The following LRP12 variants were observed in gnomAD, a reference collection of about 807,000 sequenced individuals.
The protein encoded by LRP12 is LDL receptor related protein 12, also known as low-density lipoprotein receptor-related protein 12.
LRP12 carries 14 observed loss-of-function variants against 66.0 expected under a neutral mutation model. The observed-to-expected ratio is 0.21, with a 90% confidence interval of 0.14 to 0.33. The LOEUF (loss-of-function observed/expected upper bound fraction) is 0.33, where lower values mean the gene tolerates loss of function less well. LRP12 is among the 10% of genes least tolerant of loss of function. The probability of loss-of-function intolerance (pLI) is 1.00; values close to 1 mark genes in which losing one functional copy is unlikely to be tolerated. For missense variants in LRP12, 889 were observed against 1,053.4 expected (o/e 0.84, Z 2.16); for synonymous variants, 357 against 359.1 (o/e 0.99, Z 0.07).
At chr8:104,540,597 T>C (rs968566984) in intron 1 of LRP12, among the ~76,000 whole-genome samples, 5 of 152,252 alleles carry the variant, frequency 3.3e-5, no homozygotes, top group Non-Finnish European at 7.3e-5. Flanking sequence ...GTATTATTTC[T>C]GTAACTTTTT....
intron 3 of LRP12, among the ~76,000 whole-genome samples, chr8:104,503,328 C>CAAAA (rs59353283): frequency 4.3e-4 from 13 of 30,086 alleles, no homozygotes; most frequent in Non-Finnish European, 6.3e-4. Context: ...CTGTGTCTCT[C>CAAAA]AAAAAAAAAA....
At chr8:104,573,443 C>A (rs985047261) in intron 1 of LRP12, among the ~76,000 whole-genome samples, 1 of 152,112 alleles carries the variant, frequency 6.6e-6, no homozygotes, top group African/African-American at 2.4e-5. Context: ...TGGAACTGAT[C>A]TATCTCCACT....
At chr8:104,560,354 T>C (rs1811885126) in intron 1 of LRP12, among the ~76,000 whole-genome samples, 1 of 151,954 alleles carries the variant, frequency 6.6e-6, no homozygotes, top group South Asian at 2.1e-4. Flanking sequence ...GATGTCCCTC[T>C]GTCAATCGTG....
At chr8:104,580,070 T>C (rs192764974) in intron 1 of LRP12, among the ~76,000 whole-genome samples, 43 of 152,228 alleles carry the variant, frequency 2.8e-4, no homozygotes, top group Non-Finnish European at 1.5e-5. Context: ...AATGCAAAAA[T>C]TGACAAATGG....
At chr8:104,506,869 T>A (rs1810918495) in intron 3 of LRP12, 1 of 152,244 alleles carries the variant, frequency 6.6e-6, no homozygotes, top group Non-Finnish European at 1.5e-5. Context: ...TCCGTAACTT[T>A]AGTTTCCCTC....
chr8:104,520,155 C>T (rs1194617331), intron 2 of LRP12, among the ~76,000 whole-genome samples: 4 of 151,928 alleles, frequency 2.6e-5, no homozygotes, highest in South Asian at 4.1e-4. Flanking sequence ...GCCAGCTTCA[C>T]CCTGAAATTT....
chr8:104,547,089 CAT>C (rs201937637), intron 1 of LRP12, among the ~76,000 whole-genome samples: 2,453 of 143,770 alleles, frequency 0.017, 69 homozygotes, highest in African/African-American at 0.058. Context: ...AATTCTATAT[CAT>C]AGTTTGTATA....
chr8:104,501,540 C>T (rs1358153326), intron 3 of LRP12, among the ~76,000 whole-genome samples: 3 of 152,018 alleles, frequency 2.0e-5, no homozygotes, highest in African/African-American at 7.2e-5. Context: ...CCCGTCTCTA[C>T]TGAAAATACA....
chr8:104,502,266 G>A lies in LRP12; in HGVS notation c.273-2747C>T, dbSNP rs1039880964. 2.6e-5 allele frequency among the ~76,000 whole-genome samples: 4 copies of A among 152,006 alleles called. No individual in the cohort carries two copies. In the East Asian group the frequency reaches 5.8e-4, roughly 22 times the overall value. ...CATTTATTTATGAAGCCCTATACTCGGTCTCCCCTGTGATGGACAGGATTC... is the reference window on the plus strand; with the variant it reads ...CATTTATTTATGAAGCCCTATACTCAGTCTCCCCTGTGATGGACAGGATTC... On this transcript the variant is annotated intron_variant, in intron 3 of 6. Coordinates refer to ENST00000276654, the MANE Select transcript of LRP12 (RefSeq NM_013437.5).
At chr8:104,536,574 T>C (rs1811395182) in intron 1 of LRP12, among the ~76,000 whole-genome samples, 1 of 151,694 alleles carries the variant, frequency 6.6e-6, no homozygotes, top group Non-Finnish European at 1.5e-5. Flanking sequence ...TCCTGAAGAG[T>C]TGGTAGTCTG....
intron 3 of LRP12, chr8:104,505,025 T>C (rs1479060261): frequency 6.6e-6 from 1 of 152,194 alleles, no homozygotes; most frequent in Non-Finnish European, 1.5e-5. Context: ...GTTTTGTTTT[T>C]GTTTATTTTT....
At chr8:104,512,412 T>C (rs1443366615) in intron 2 of LRP12, among the ~76,000 whole-genome samples, 1 of 152,070 alleles carries the variant, frequency 6.6e-6, no homozygotes, top group Non-Finnish European at 1.5e-5. Flanking sequence ...CCAAAAACAA[T>C]CATCACCCTT....
chr8:104,493,945 G>GC (rs1379986595), intron 6 of LRP12, among the ~76,000 whole-genome samples: 1 of 152,064 alleles, frequency 6.6e-6, no homozygotes, highest in Non-Finnish European at 1.5e-5. Context: ...AACTGTAATC[G>GC]CAAGTGAGCT....
chr8:104,553,404 G>A (rs1315968074), intron 1 of LRP12, among the ~76,000 whole-genome samples: 1 of 152,162 alleles, frequency 6.6e-6, no homozygotes, highest in Admixed American at 6.5e-5. Flanking sequence ...TGTTGGAGAA[G>A]CACGGTGGGA....
chr8:104,548,670 T>C (rs1033160675), intron 1 of LRP12, among the ~76,000 whole-genome samples: 1 of 71,736 alleles, frequency 1.4e-5, no homozygotes, highest in South Asian at 3.6e-4. Context: ...ATATAATTAA[T>C]ATGGGTGCAG....
At chr8:104,545,263 T>C (rs1811537132) in intron 1 of LRP12, among the ~76,000 whole-genome samples, 1 of 152,180 alleles carries the variant, frequency 6.6e-6, no homozygotes. Context: ...GCAAAGAAAG[T>C]GGTTTCTTCA....
Position 104,496,636 on chromosome 8 carries a change from A to G in LRP12, c.1580+336T>C, listed in dbSNP as rs140232940. ...TGTATGCTTTGAACATAGCATATAG[A>G]ATAACTGGAATTTTTGAATTTGTAT... On this transcript the variant is annotated intron_variant, in intron 5 of 6. Transcript: ENST00000276654. Among the ~76,000 whole-genome samples the G allele has an allele frequency of 3.7e-3, 563 of 152,300 alleles. 5 individuals are homozygous for G. Among genetic ancestry groups the G allele is most frequent in the African/African-American group, 0.013 (539 of 41,558 alleles).
At chr8:104,512,766 T>C (rs1811017047) in intron 2 of LRP12, among the ~76,000 whole-genome samples, 1 of 152,292 alleles carries the variant, frequency 6.6e-6, no homozygotes, top group South Asian at 2.1e-4. Context: ...GATTCTAGTA[T>C]GGTACTCAAA....
chr8:104,513,900 A>G (rs1017658252), intron 2 of LRP12, among the ~76,000 whole-genome samples: 6 of 152,180 alleles, frequency 3.9e-5, no homozygotes, highest in African/African-American at 1.4e-4. Flanking sequence ...TCAAATGCCC[A>G]CTGGACATTC....
Sources: allele counts gnomAD v4.1 joint callset (sites outside exome capture counted in the v4.1 genomes callset), GRCh38; gene constraint gnomAD v4.1.1; transcripts MANE v1.5; gene names NCBI Gene and HGNC (gene_info 2026-07-23, HGNC 2026-07-21).